The following CSMD1 variants were observed in gnomAD, a reference collection of about 807,000 sequenced individuals.
CSMD1 encodes the protein CUB and Sushi multiple domains 1, also known as CUB and sushi domain-containing protein 1.
CSMD1 carries 213 observed loss-of-function variants against 417.5 expected under a neutral mutation model. The observed-to-expected ratio is 0.51, with a 90% CI of 0.46 to 0.57. The LOEUF is 0.57. CSMD1 is among the 20% of genes least tolerant of loss of function. The pLI, the probability that CSMD1 is intolerant of heterozygous loss-of-function variation, is 0.00. For missense variants in CSMD1, 6,923 were observed against 4,529.7 expected, an observed-to-expected ratio of 1.53 and a Z score of -15.17; for synonymous variants, 2,862 against 1,736.8, an observed-to-expected ratio of 1.65 and a Z score of -16.11.
intron 2 of CSMD1, among the ~76,000 whole-genome samples, chr8:4,505,838 T>A (rs1357292852): frequency 6.6e-6 from 1 of 152,026 alleles, no homozygotes; most frequent in Non-Finnish European, 1.5e-5. Context: ...TCTCACTCTG[T>A]CACCCACAAT....
At chr8:4,932,952 T>C (rs2117198817) in intron 1 of CSMD1, among the ~76,000 whole-genome samples, 1 of 152,300 alleles carries the variant, frequency 6.6e-6, no homozygotes, top group South Asian at 2.1e-4. Flanking sequence ...AACATGTATC[T>C]AGCCAAAATG....
intron 3 of CSMD1, among the ~76,000 whole-genome samples, chr8:4,044,849 G>C (rs1321757969): frequency 8.3e-6 from 1 of 119,952 alleles, no homozygotes. Flanking sequence ...CTTGTACCAT[G>C]CTGGGGACTG....
At chr8:3,409,000 C>A (rs975653508) in intron 13 of CSMD1, among the ~76,000 whole-genome samples, 2 of 152,132 alleles carry the variant, frequency 1.3e-5, no homozygotes, top group African/African-American at 4.8e-5. Flanking sequence ...GTGGGCAGCT[C>A]ATCAACTGAA....
intron 3 of CSMD1, among the ~76,000 whole-genome samples, chr8:4,271,959 C>A (rs184640507): frequency 4.2e-4 from 64 of 152,214 alleles, no homozygotes; most frequent in African/African-American, 1.4e-3. Flanking sequence ...CATGTATGGG[C>A]AAAGTCAGCC....
intron 7 of CSMD1, among the ~76,000 whole-genome samples, chr8:3,643,435 G>A (rs1324545847): frequency 1.3e-5 from 2 of 151,830 alleles, no homozygotes; most frequent in Admixed American, 6.6e-5. Context: ...GGACGCCGTG[G>A]CTCACGCCTG....
chr8:3,442,081 A>G (rs1362001568), intron 12 of CSMD1, among the ~76,000 whole-genome samples: 3 of 152,044 alleles, frequency 2.0e-5, no homozygotes, highest in Non-Finnish European at 4.4e-5. Flanking sequence ...AGTAAAAAAA[A>G]AAATACAAAA....
At chr8:3,746,362 G>C (rs972666499) in intron 6 of CSMD1, among the ~76,000 whole-genome samples, 1 of 152,174 alleles carries the variant, frequency 6.6e-6, no homozygotes, top group Non-Finnish European at 1.5e-5. Context: ...GTTTTAAATA[G>C]CTGAGATTTA....
At chr8:4,875,300 G>C (rs1346817194) in intron 1 of CSMD1, among the ~76,000 whole-genome samples, 1 of 152,024 alleles carries the variant, frequency 6.6e-6, no homozygotes, top group Non-Finnish European at 1.5e-5. Context: ...TTCTCAGTTC[G>C]AAAATATGAT....
chr8:3,542,971 C>A (rs1465647922), intron 10 of CSMD1, among the ~76,000 whole-genome samples: 1 of 152,158 alleles, frequency 6.6e-6, no homozygotes, highest in East Asian at 1.9e-4. Context: ...TATGGGGCTC[C>A]TCTTCCTCCC....
At chr8:4,249,930 G>T (rs1352076371) in intron 3 of CSMD1, among the ~76,000 whole-genome samples, 1 of 152,124 alleles carries the variant, frequency 6.6e-6, no homozygotes, top group African/African-American at 2.4e-5. Flanking sequence ...AAGTGTTTAG[G>T]TTATGAGGGC....
In CSMD1 at chr8:4,200,256, T is replaced by G. The variant is rs145938687; in HGVS notation, c.416-168157A>C. Among the ~76,000 whole-genome samples, 1,006 of 152,324 alleles carry G rather than the reference T, an allele frequency of 6.6e-3. 10 individuals carry two copies. Among genetic ancestry groups the G allele is most frequent in the Non-Finnish European group, 0.01 (695 of 68,036 alleles). On this transcript the variant is annotated intron_variant, in intron 3 of 69. Coordinates refer to ENST00000635120, the MANE Select transcript of CSMD1 (RefSeq NM_033225.6). ...AAAACAATTCCTCTATTCAATACAC[T>G]GATGATAATTACCTTTTTTCAGAGG...
intron 7 of CSMD1, among the ~76,000 whole-genome samples, chr8:3,632,996 G>C (rs1796858172): frequency 6.6e-6 from 1 of 152,238 alleles, no homozygotes; most frequent in Non-Finnish European, 1.5e-5. Flanking sequence ...TCTCGCACCT[G>C]AGAGATATGT....
At chr8:4,336,106 A>T (rs1034896861) in intron 3 of CSMD1, among the ~76,000 whole-genome samples, 1 of 152,130 alleles carries the variant, frequency 6.6e-6, no homozygotes, top group African/African-American at 2.4e-5. Context: ...GAAATAGTGT[A>T]AGTATTTTTC....
At chr8:4,049,600 A>G (rs910958384) in intron 3 of CSMD1, among the ~76,000 whole-genome samples, 1 of 152,012 alleles carries the variant, frequency 6.6e-6, no homozygotes, top group African/African-American at 2.4e-5. Flanking sequence ...TTTTTTATTT[A>G]GGGTTTAATA....
chr8:4,388,268 A>G (rs1207793727), intron 3 of CSMD1, among the ~76,000 whole-genome samples: 1 of 151,350 alleles, frequency 6.6e-6, no homozygotes, highest in African/African-American at 2.4e-5. Flanking sequence ...AATGAACCCA[A>G]ATATCCATCA....
intron 3 of CSMD1, among the ~76,000 whole-genome samples, chr8:4,071,064 A>G (rs1018746411): frequency 3.9e-5 from 6 of 151,924 alleles, no homozygotes; most frequent in African/African-American, 1.5e-4. Context: ...TGTGGTGTAC[A>G]TGGTTATGGT....
chr8:4,045,480 A>G (rs1798103032), intron 3 of CSMD1, among the ~76,000 whole-genome samples: 1 of 152,208 alleles, frequency 6.6e-6, no homozygotes, highest in Non-Finnish European at 1.5e-5. Flanking sequence ...GGGTCAGAAC[A>G]CTGTCCCCAG....
At chr8:4,874,371 T>C (rs1417769581) in intron 1 of CSMD1, among the ~76,000 whole-genome samples, 2 of 149,632 alleles carry the variant, frequency 1.3e-5, no homozygotes, top group African/African-American at 4.9e-5. Context: ...GTGGAGGAGA[T>C]CTTTCAATCC....
chr8:3,991,172 T>A (rs764198488), intron 5 of CSMD1, among the ~76,000 whole-genome samples: 3 of 152,086 alleles, frequency 2.0e-5, no homozygotes, highest in Non-Finnish European at 4.4e-5. Flanking sequence ...GGGTGCCTAA[T>A]CCACCCAGGT....
Sources: gnomAD v4.1 joint callset for allele counts (sites outside exome capture counted in the v4.1 genomes callset) on GRCh38, gnomAD v4.1.1 for gene constraint, MANE v1.5 for transcripts, NCBI Gene and HGNC (gene_info 2026-07-23, HGNC 2026-07-21) for gene names.